The following TMEM117 variants were observed in gnomAD, a reference collection of about 807,000 sequenced individuals.
TMEM117 encodes the protein transmembrane protein 117.
TMEM117 carries 27 observed loss-of-function variants against 52.4 expected under a neutral mutation model. That is an observed-to-expected ratio of 0.51 (90% CI 0.38 to 0.71). The LOEUF is 0.71. Ranked by LOEUF, TMEM117 falls within the 30% of genes least tolerant of loss-of-function variation. The pLI is 0.00. For synonymous variants in TMEM117, 215 were observed against 206.3 expected, an observed-to-expected ratio of 1.04 and a Z score of -0.36; for missense variants, 556 against 630.5, an observed-to-expected ratio of 0.88 and a Z score of 1.26.
chr12:43,804,341 G>T, the TMEM117 span: 1 of 612,256 alleles, frequency 1.6e-6, no homozygotes, highest in Middle Eastern at 2.6e-4. Context: ...GGCCCATAGG[G>T]ACCTGCACAA....
intron 6 of TMEM117, among the ~76,000 whole-genome samples, chr12:44,363,762 GA>G (rs1252849165): frequency 6.6e-6 from 1 of 152,198 alleles, no homozygotes; most frequent in Non-Finnish European, 1.5e-5. Flanking sequence ...AAGGCTAATT[GA>G]AAGGCAGATG....
chr12:43,814,649 T>C, the TMEM117 span, among the ~76,000 whole-genome samples: 5 of 151,972 alleles, frequency 3.3e-5, no homozygotes, highest in Admixed American at 1.3e-4. Flanking sequence ...TGTGGAGGTG[T>C]GAATGGCTGA....
chr12:44,102,200 A>G (rs1196631819), intron 3 of TMEM117, among the ~76,000 whole-genome samples: 1 of 152,076 alleles, frequency 6.6e-6, no homozygotes, highest in Admixed American at 6.6e-5. Flanking sequence ...CTCCATTAAT[A>G]TTGAGAAGAA....
chr12:43,922,844 C>G (rs953455240), intron 2 of TMEM117, among the ~76,000 whole-genome samples: 1 of 152,144 alleles, frequency 6.6e-6, no homozygotes, highest in African/African-American at 2.4e-5. Context: ...CCCCTTTTCT[C>G]AGCCTATGTT....
Position 43,993,795 on chromosome 12 carries a change from A to C in TMEM117, c.410+49453A>C, listed in dbSNP as rs117757557. On this transcript the variant is annotated intron_variant, in intron 3 of 7. Coordinates refer to ENST00000266534, the MANE Select transcript of TMEM117 (RefSeq NM_032256.3). ...CTGCAGCTTCAACCTCCAGGGCTCA[A>C]GTGATTCTCCCAACTCAGCCTGTTC... 2.1e-4 allele frequency among the ~76,000 whole-genome samples: 32 copies of C among 152,230 alleles called. No individual in the cohort carries two copies. In the East Asian group the frequency reaches 5.8e-3, roughly 28 times the overall value.
At chr12:43,900,992 T>A (rs7304174) in intron 2 of TMEM117, among the ~76,000 whole-genome samples, 150,750 of 152,332 alleles carry the variant, frequency 0.99, 74,622 homozygotes, top group East Asian at 1. Flanking sequence ...ATATAGATAG[T>A]TGTACTGTGA....
At chr12:43,821,973 ATGT>A in the TMEM117 span, among the ~76,000 whole-genome samples, 1 of 152,224 alleles carries the variant, frequency 6.6e-6, no homozygotes, top group East Asian at 1.9e-4. Flanking sequence ...GGGTGTGACC[ATGT>A]TGTTGTGAAT....
intron 4 of TMEM117, among the ~76,000 whole-genome samples, chr12:44,197,141 A>G (rs962914411): frequency 6.6e-6 from 1 of 152,180 alleles, no homozygotes; most frequent in African/African-American, 2.4e-5. Flanking sequence ...CATTTCATTT[A>G]GAAAACTGGA....
At chr12:43,922,763 C>G (rs939341050) in intron 2 of TMEM117, among the ~76,000 whole-genome samples, 1 of 152,134 alleles carries the variant, frequency 6.6e-6, no homozygotes, top group Admixed American at 6.6e-5. Context: ...TGTCTTTGAT[C>G]ATTTTGTAGA....
chr12:43,962,881 T>C (rs1295778027), intron 3 of TMEM117, among the ~76,000 whole-genome samples: 1 of 151,728 alleles, frequency 6.6e-6, no homozygotes, highest in Non-Finnish European at 1.5e-5. Context: ...TGAGCCGAGA[T>C]TGCACCACTG....
At chr12:43,898,495 A>C (rs991407798) in intron 2 of TMEM117, among the ~76,000 whole-genome samples, 1 of 151,976 alleles carries the variant, frequency 6.6e-6, no homozygotes, top group Non-Finnish European at 1.5e-5. Context: ...CTTGAACCTC[A>C]CATTTCTAGA....
intron 6 of TMEM117, among the ~76,000 whole-genome samples, chr12:44,347,670 G>A (rs1048194666): frequency 6.6e-6 from 1 of 151,968 alleles, no homozygotes; most frequent in Non-Finnish European, 1.5e-5. Context: ...GGGAAGCTTT[G>A]TGTTCTGCTT....
intron 4 of TMEM117, among the ~76,000 whole-genome samples, chr12:44,207,352 G>C (rs192456667): frequency 6.6e-6 from 1 of 152,086 alleles, no homozygotes; most frequent in Non-Finnish European, 1.5e-5. Flanking sequence ...TAGTACCTGC[G>C]TGGGAATTAG....
intron 3 of TMEM117, among the ~76,000 whole-genome samples, chr12:43,964,325 C>A (rs1418109703): frequency 3.9e-5 from 6 of 152,062 alleles, no homozygotes; most frequent in Non-Finnish European, 7.4e-5. Flanking sequence ...GGGGGAGAAC[C>A]AGAAGCATTT....
At chr12:43,797,205 C>T in the TMEM117 span, 8 of 1,473,918 alleles carry the variant, frequency 5.4e-6, no homozygotes, top group East Asian at 2.3e-5. Context: ...CATAAAACTA[C>T]AGCTAAGCCC....
intron 6 of TMEM117, among the ~76,000 whole-genome samples, chr12:44,363,196 G>A (rs528678200): frequency 1.3e-5 from 2 of 152,244 alleles, no homozygotes; most frequent in African/African-American, 4.8e-5. Context: ...GGTAAGGCAG[G>A]TGCCTTCTGT....
chr12:43,812,205 T>G, the TMEM117 span, among the ~76,000 whole-genome samples: 1 of 152,262 alleles, frequency 6.6e-6, no homozygotes, highest in African/African-American at 2.4e-5. Flanking sequence ...TTCTACTTCA[T>G]TCTTTGTTAC....
chr12:44,143,739 A>G (rs1948602955), intron 4 of TMEM117, 115 bp downstream of exon 4: 1 of 677,348 alleles, frequency 1.5e-6, no homozygotes, highest in Non-Finnish European at 2.4e-6. Context: ...TCTTTGAGTG[A>G]AACAAATTTA....
chr12:44,345,806 A>AAT (rs1202217817), intron 6 of TMEM117, among the ~76,000 whole-genome samples: 1 of 152,102 alleles, frequency 6.6e-6, no homozygotes, highest in East Asian at 1.9e-4. Context: ...TAAAATTGAA[A>AAT]ATATATATCT....
Sources: allele counts gnomAD v4.1 joint callset (sites outside exome capture counted in the v4.1 genomes callset), GRCh38; gene constraint gnomAD v4.1.1; transcripts MANE v1.5; gene names NCBI Gene and HGNC (gene_info 2026-07-23, HGNC 2026-07-21).